Variants in ANKRD7 observed in about 807,000 individuals in gnomAD.
The protein encoded by ANKRD7 is ankyrin repeat domain 7.
A neutral mutation model predicts 30.8 loss-of-function variants in ANKRD7; 30 were observed. The ratio of observed to expected loss-of-function variants is 0.97; its 90% CI spans 0.73 to 1.32. ANKRD7 has a LOEUF of 1.32. Ranked by LOEUF, ANKRD7 falls within the 40% of genes most tolerant of loss-of-function variation. The pLI is 0.00. For synonymous variants in ANKRD7, 97 were observed against 106.6 expected (o/e 0.91, Z 0.55); for missense variants, 264 against 295.7 (o/e 0.89, Z 0.79).
At chr7:118,229,404 CAT>C (rs1466153273) in intron 1 of ANKRD7, among the ~76,000 whole-genome samples, 1 of 152,064 alleles carries the variant, frequency 6.6e-6, no homozygotes, top group Non-Finnish European at 1.5e-5. Context: ...CTTCTACTAA[CAT>C]GTATGATTTA....
rs2115987616 is a variant in ANKRD7 at position 118,224,762 on chromosome 7, G to C, written c.-69G>C. 6.5e-7 allele frequency: 1 copy of C among 1,543,200 alleles called. No homozygotes were observed. The highest frequency in any genetic ancestry group is 2.3e-5 in the East Asian group (1 of 44,270). ...CTGCCGGCCGGATGCCAGGGCAGAG[G>C]GGCAGGGCGGACGGCTAGGAGTTCA... On this transcript the variant is annotated 5_prime_UTR_variant, in exon 1 of 7. Coordinates refer to ENST00000265224, the MANE Select transcript of ANKRD7 (RefSeq NM_019644.4).
At chr7:118,240,022 G>A in intron 6 of ANKRD7, 24 bp downstream of exon 6, 1 of 1,319,960 alleles carries the variant, frequency 7.6e-7, no homozygotes, top group Non-Finnish European at 1.0e-6. Flanking sequence ...CTGGATTAGT[G>A]TTTTTTTCTT....
chr7:118,236,826 A>C lies in ANKRD7; in HGVS notation c.612A>C (p.Pro204=). The change falls in exon 5 of 7, where the codon CCA becomes CCC. Residue 204 remains proline, a synonymous_variant. Coordinates refer to ENST00000265224, the MANE Select transcript of ANKRD7 (RefSeq NM_019644.4). ...TTCTTGCTGTCAGTGGTGAACCACC[A>C]TGTTTAGTAAAGCTTCTTCTTCAGC... is the stretch of plus-strand genomic sequence containing the variant. The part of the protein sequence containing the change: ...ALILAVSGEP[P]CLVKLLLQQG... The C allele has an allele frequency of 6.2e-7, 1 of 1,614,018 alleles. No homozygotes were observed. The highest frequency in any genetic ancestry group is 8.5e-7 in the Non-Finnish European group (1 of 1,179,916).
chr7:118,234,447 G>A lies in ANKRD7; in HGVS notation c.196G>A (p.Ala66Thr). The change falls in exon 2 of 7, where the codon GCC (alanine) becomes ACC (threonine). Residue 66 changes from alanine (A) to threonine (T), a missense_variant. Physicochemically the swap from Ala to Thr is moderately conservative, Grantham distance 58. Coordinates refer to ENST00000265224, the MANE Select transcript of ANKRD7 (RefSeq NM_019644.4). ...DKKYRTPLHL[A>T]CANGHTDVVL... ...TTGACATAGAACACCTTTGCACCTAGCCTGTGCTAATGGACATACAGATGT... is the reference window on the plus strand; with the variant it reads ...TTGACATAGAACACCTTTGCACCTAACCTGTGCTAATGGACATACAGATGT... 1 of 1,608,580 alleles carries A rather than the reference G, an allele frequency of 6.2e-7. No individual in the cohort carries two copies. Among genetic ancestry groups the A allele is most frequent in the South Asian group, 1.1e-5 (1 of 89,688 alleles).
intron 1 of ANKRD7, 70 bp downstream of exon 1, chr7:118,225,079 A>G: frequency 1.9e-6 from 3 of 1,547,916 alleles, no homozygotes; most frequent in Admixed American, 1.9e-5. Context: ...AAATAAGACA[A>G]GTGGGGGCTG....
intron 1 of ANKRD7, chr7:118,227,906 CTT>C (rs67297938): frequency 1.0e-3 from 1,231 of 1,236,404 alleles, no homozygotes; most frequent in Admixed American, 2.7e-3. Flanking sequence ...AGTATTATGT[CTT>C]TTTTTTTTTT....
At chr7:118,226,208 G>A (rs573956617) in intron 1 of ANKRD7, among the ~76,000 whole-genome samples, 18 of 152,286 alleles carry the variant, frequency 1.2e-4, no homozygotes, top group Admixed American at 7.2e-4. Context: ...GTAGTTTTAG[G>A]CTCTGTCTTG....
At chr7:118,232,436 G>A (rs1809657925) in intron 1 of ANKRD7, among the ~76,000 whole-genome samples, 1 of 152,022 alleles carries the variant, frequency 6.6e-6, no homozygotes, top group Non-Finnish European at 1.5e-5. Context: ...CTCAAAGCTA[G>A]ATTAGTTCTT....
intron 6 of ANKRD7, among the ~76,000 whole-genome samples, chr7:118,241,843 G>A (rs1809853352): frequency 6.6e-6 from 1 of 151,884 alleles, no homozygotes; most frequent in Non-Finnish European, 1.5e-5. Flanking sequence ...CTGGCCCTCT[G>A]AATTACTCTT....
chr7:118,240,683 A>G (rs1409521286), intron 6 of ANKRD7, among the ~76,000 whole-genome samples: 3 of 152,302 alleles, frequency 2.0e-5, no homozygotes, highest in East Asian at 3.9e-4. Flanking sequence ...TTAATAGATG[A>G]AAAACTATCA....
Position 118,234,788 on chromosome 7 carries a change from G to A in ANKRD7, c.382G>A (p.Val128Ile). 1.2e-6 allele frequency: 2 copies of A among 1,613,182 alleles called. No homozygotes were observed. Among genetic ancestry groups the A allele is most frequent in the Non-Finnish European group, 1.7e-6 (2 of 1,179,738 alleles). The part of the protein sequence containing the change: ...PDLRDIRYNT[V>I]LHYAVCGQSL... ...TCTGAGGGATATTCGTTATAATACT[G>A]TTCTTCACTATGCTGTTTGTGGTCA... The change falls in exon 3 of 7, where the codon GTT becomes ATT. Residue 128 changes from valine (V) to isoleucine (I), a missense_variant. Coordinates refer to ENST00000265224, the MANE Select transcript of ANKRD7 (RefSeq NM_019644.4).
chr7:118,240,391 C>T (rs1321299731), intron 6 of ANKRD7, among the ~76,000 whole-genome samples: 2 of 151,980 alleles, frequency 1.3e-5, no homozygotes, highest in Non-Finnish European at 2.9e-5. Flanking sequence ...CAATTCCCAC[C>T]TATGAGTGAG....
rs756917931 is a variant in ANKRD7, at chr7:118,234,740, C to T, written c.334C>T (p.Leu112=). ...CQNEDCATIL[L]NFGADPDLRD... ...AAATGAGGATTGTGCTACTATTCTT[C>T]TAAACTTTGGTGCAGACCCAGATCT... Residue 112 remains leucine (L), a synonymous_variant, in exon 3 of 7, where the codon CTA becomes TTA. Transcript: ENST00000265224. 4 of 1,612,086 alleles carry T rather than the reference C, an allele frequency of 2.5e-6. No individual in the cohort carries two copies. The Admixed American group carries it at 5.0e-5, about 20-fold the overall frequency.
rs3061682 is a variant in ANKRD7 at position 118,241,521 on chromosome 7, C to CTTTTTTTTTTTTTTTTTTT, written c.*38-818_*38-800dup. Among the ~76,000 whole-genome samples the CTTTTTTTTTTTTTTTTTTT allele has an allele frequency of 3.0e-4, 25 of 84,546 alleles. 1 individual carries two copies. The highest frequency in any genetic ancestry group is 3.9e-4 in the Non-Finnish European group (17 of 43,362). 55.5% of individuals were successfully genotyped at this position (84,546 alleles called of 152,430 possible). ...TTAGGGGAGAATTTCTCTGAATTAC[C>CTTTTTTTTTTTTTTTTTTT]TTTTTTTTTTTTTTTTTTTTTTTTT... On this transcript the variant is annotated intron_variant, in intron 6 of 6. Coordinates refer to ENST00000265224, the MANE Select transcript of ANKRD7 (RefSeq NM_019644.4).
At chr7:118,227,279 T>A (rs1809559239) in intron 1 of ANKRD7, among the ~76,000 whole-genome samples, 1 of 152,240 alleles carries the variant, frequency 6.6e-6, no homozygotes, top group Admixed American at 6.5e-5. Flanking sequence ...TTTGTTGTTG[T>A]CATAATTAAC....
intron 4 of ANKRD7, among the ~76,000 whole-genome samples, chr7:118,236,414 T>C (rs1158102725): frequency 1.3e-5 from 2 of 152,182 alleles, no homozygotes; most frequent in Non-Finnish European, 2.9e-5. Flanking sequence ...TATCATTTAT[T>C]ATTAGAATTT....
rs760199258 is a variant in ANKRD7, at chr7:118,224,902, G to C, written c.72G>C (p.Lys24Asn). ...TRSQGYNLRE[K>N]DLKKLHRAAS... ...GCCAGGGCTACAACCTTCGAGAAAA[G>C]GATTTAAAGAAACTTCACAGAGCTG... The change falls in exon 1 of 7, where the codon AAG (lysine) becomes AAC (asparagine). Residue 24 changes from lysine to asparagine, a missense_variant. By Grantham distance (94) the Lys-to-Asn change is moderately conservative. Coordinates refer to ENST00000265224, the MANE Select transcript of ANKRD7 (RefSeq NM_019644.4). The C allele has an allele frequency of 2.5e-6, 4 of 1,614,138 alleles. No homozygotes were observed. The highest frequency in any genetic ancestry group is 3.4e-6 in the Non-Finnish European group (4 of 1,180,016).
At chr7:118,229,635 G>C (rs1809601471) in intron 1 of ANKRD7, among the ~76,000 whole-genome samples, 2 of 152,074 alleles carry the variant, frequency 1.3e-5, no homozygotes, top group Non-Finnish European at 2.9e-5. Context: ...TCTTGAAAGT[G>C]TCATGCTAAC....
At chr7:118,235,443 TC>T (rs1333711082) in intron 3 of ANKRD7, among the ~76,000 whole-genome samples, 2 of 151,846 alleles carry the variant, frequency 1.3e-5, no homozygotes, top group Non-Finnish European at 2.9e-5. Flanking sequence ...AAACCCCGTC[TC>T]TACTAAAAAT....
Sources: allele counts gnomAD v4.1 joint callset (sites outside exome capture counted in the v4.1 genomes callset), GRCh38; gene constraint gnomAD v4.1.1; transcripts MANE v1.5; gene names NCBI Gene and HGNC (gene_info 2026-07-23, HGNC 2026-07-21).